TOP6BL: variants seen among roughly 807,000 people sequenced by gnomAD.
TOP6BL encodes the protein TOP6B like initiator of meiotic double strand breaks, also known as type 2 DNA topoisomerase 6 subunit B-like.
chr11:66,794,973 A>C, the TOP6BL span, among the ~76,000 whole-genome samples: 2 of 152,146 alleles, frequency 1.3e-5, no homozygotes, highest in Admixed American at 6.5e-5. Flanking sequence ...TCTCTACAGA[A>C]AATACAAAAA....
chr11:66,829,721 C>T, the TOP6BL span, among the ~76,000 whole-genome samples: 5 of 151,708 alleles, frequency 3.3e-5, no homozygotes, highest in African/African-American at 1.2e-4. Context: ...AACCCCATCT[C>T]TACAAAAAAA....
chr11:66,750,211 AAAAT>A, the TOP6BL span, among the ~76,000 whole-genome samples: 1 of 152,060 alleles, frequency 6.6e-6, no homozygotes, highest in African/African-American at 2.4e-5. Flanking sequence ...TTTTTGTAAA[AAAAT>A]GTACACTTAT....
chr11:66,805,555 G>T, the TOP6BL span, among the ~76,000 whole-genome samples: 1 of 151,296 alleles, frequency 6.6e-6, no homozygotes, highest in Non-Finnish European at 1.5e-5. Context: ...TCTGCTTCCC[G>T]GACTCAAACC....
chr11:66,823,741 C>A, the TOP6BL span, among the ~76,000 whole-genome samples: 1 of 152,002 alleles, frequency 6.6e-6, no homozygotes, highest in African/African-American at 2.4e-5. Flanking sequence ...TGCTGAAACC[C>A]GGGAGGTGGA....
the TOP6BL span, among the ~76,000 whole-genome samples, chr11:66,801,367 A>T: frequency 1.3e-5 from 2 of 152,170 alleles, no homozygotes; most frequent in African/African-American, 4.8e-5. Flanking sequence ...GCTAGTTCCA[A>T]TCCCATTTAG....
chr11:66,799,291 C>T, the TOP6BL span, among the ~76,000 whole-genome samples: 2 of 147,788 alleles, frequency 1.4e-5, no homozygotes, highest in Non-Finnish European at 3.0e-5. Context: ...GAGGCTGAGG[C>T]AGGAGAACTG....
the TOP6BL span, among the ~76,000 whole-genome samples, chr11:66,754,797 C>G: frequency 8.9e-3 from 1,355 of 152,284 alleles, 23 homozygotes; most frequent in African/African-American, 0.03. Flanking sequence ...AATTTTGATT[C>G]TCGTCCCAAA....
the TOP6BL span, among the ~76,000 whole-genome samples, chr11:66,793,450 T>G: frequency 5.4e-5 from 8 of 147,048 alleles, no homozygotes; most frequent in Non-Finnish European, 9.0e-5. Flanking sequence ...TTTTGTTTTT[T>G]TTTTTTTTTT....
the TOP6BL span, among the ~76,000 whole-genome samples, chr11:66,791,925 C>T: frequency 6.6e-6 from 1 of 151,466 alleles, no homozygotes; most frequent in South Asian, 2.1e-4. Context: ...TCATGCCATT[C>T]TCCTGCCTCA....
the TOP6BL span, among the ~76,000 whole-genome samples, chr11:66,777,512 T>C: frequency 6.6e-6 from 1 of 152,226 alleles, no homozygotes; most frequent in Non-Finnish European, 1.5e-5. Context: ...CTCTTTACTA[T>C]ATTGAAAATT....
chr11:66,753,406 C>CT, the TOP6BL span, among the ~76,000 whole-genome samples: 454 of 120,712 alleles, frequency 3.8e-3, 3 homozygotes, highest in African/African-American at 5.7e-3. Context: ...AGGACTTAGT[C>CT]TTTTTTTTTT....
At chr11:66,836,088 T>G in the TOP6BL span, among the ~76,000 whole-genome samples, 16 of 152,264 alleles carry the variant, frequency 1.1e-4, no homozygotes, top group Non-Finnish European at 1.9e-4. Context: ...CTAGTGCATG[T>G]GAAGTAATTT....
the TOP6BL span, chr11:66,842,996 G>C: frequency 2.6e-6 from 4 of 1,550,544 alleles, no homozygotes; most frequent in African/African-American, 2.7e-5. Flanking sequence ...CTCACTCCTA[G>C]AGGAAGGGAG....
At chr11:66,798,456 C>T in the TOP6BL span, among the ~76,000 whole-genome samples, 3 of 151,400 alleles carry the variant, frequency 2.0e-5, no homozygotes, top group South Asian at 2.1e-4. Context: ...AAAAATTAGT[C>T]GGGTGTGGTT....
the TOP6BL span, among the ~76,000 whole-genome samples, chr11:66,760,718 T>G: frequency 6.7e-6 from 1 of 148,666 alleles, no homozygotes; most frequent in Admixed American, 6.7e-5. Flanking sequence ...GTGGGAAGAT[T>G]GCTTGAGCCT....
chr11:66,812,533 G>A, the TOP6BL span, among the ~76,000 whole-genome samples: 1 of 152,112 alleles, frequency 6.6e-6, no homozygotes, highest in Non-Finnish European at 1.5e-5. Flanking sequence ...CTTAGTTCAT[G>A]TGTTAATGCC....
At chr11:66,834,197 C>A in the TOP6BL span, among the ~76,000 whole-genome samples, 1 of 152,170 alleles carries the variant, frequency 6.6e-6, no homozygotes, top group African/African-American at 2.4e-5. Flanking sequence ...GATGAGGAAA[C>A]TGATTACAGA....
At chr11:66,755,163 A>G in the TOP6BL span, among the ~76,000 whole-genome samples, 1 of 148,978 alleles carries the variant, frequency 6.7e-6, no homozygotes, top group African/African-American at 2.5e-5. Flanking sequence ...TCTGTTGCCC[A>G]GGCTGGAGGT....
chr11:66,800,766 A>G, the TOP6BL span: 7 of 1,348,440 alleles, frequency 5.2e-6, no homozygotes, highest in Non-Finnish European at 6.1e-6. Context: ...TTATTGTCCT[A>G]TTTCCAAAAG....
Sources: gnomAD v4.1 joint callset for allele counts (sites outside exome capture counted in the v4.1 genomes callset) on GRCh38, gnomAD v4.1.1 for gene constraint, MANE v1.5 for transcripts, NCBI Gene and HGNC (gene_info 2026-07-23, HGNC 2026-07-21) for gene names.